The following TULP4 variants were observed in gnomAD, a reference collection of about 807,000 sequenced individuals.
TULP4 encodes the protein tubby-related protein 4.
A neutral mutation model predicts 129.0 loss-of-function variants in TULP4; 16 were observed. That is an observed-to-expected ratio of 0.12 (90% CI 0.08 to 0.19). The LOEUF (loss-of-function observed/expected upper bound fraction) is 0.19. TULP4 is among the 10% of genes least tolerant of loss of function. The pLI is 1.00. For synonymous variants in TULP4, 998 were observed against 854.0 expected (o/e 1.17, Z -2.94); for missense variants, 1,842 against 2,059.1 (o/e 0.89, Z 2.04).
chr6:158,264,769 G>T (rs1306204468), intron 1 of TULP4, among the ~76,000 whole-genome samples: 1 of 152,194 alleles, frequency 6.6e-6, no homozygotes, highest in Non-Finnish European at 1.5e-5. Context: ...TTTATCCCAT[G>T]AGGCCCTCTC....
chr6:158,315,671 A>G (rs1383599298), intron 1 of TULP4, among the ~76,000 whole-genome samples: 1 of 152,178 alleles, frequency 6.6e-6, no homozygotes, highest in African/African-American at 2.4e-5. Flanking sequence ...AGACTGGGTA[A>G]TCCATAAACA....
rs1189960618 is a variant in TULP4, at chr6:158,507,675, T to C, written c.*981T>C. On this transcript the variant is annotated 3_prime_UTR_variant, in exon 14 of 14. Coordinates refer to ENST00000367097, the MANE Select transcript of TULP4 (RefSeq NM_020245.5). ...TCTCTCTGCCCCTTTTACTTTTTAA[T>C]CTGGAATGCATTACTGTAAACATGA... The C allele has an allele frequency of 1.3e-5, 2 of 152,228 alleles. No individual in the cohort carries two copies. Among genetic ancestry groups the C allele is most frequent in the African/African-American group, 4.8e-5 (2 of 41,458 alleles). 9.4% of individuals were successfully genotyped at this position (152,228 alleles called of 1,614,324 possible). A position where few individuals can be genotyped will look rare whatever the true frequency, so the allele number is the denominator to read the frequency against.
chr6:158,471,664 A>G (rs1779685596), intron 6 of TULP4, among the ~76,000 whole-genome samples: 1 of 152,224 alleles, frequency 6.6e-6, no homozygotes, highest in Non-Finnish European at 1.5e-5. Flanking sequence ...AGGCCAGGGC[A>G]TTGGCAAAAC....
intron 8 of TULP4, among the ~76,000 whole-genome samples, 178 bp from the exon 9 acceptor site, chr6:158,489,410 C>T (rs1048762795): frequency 6.6e-6 from 1 of 152,218 alleles, no homozygotes; most frequent in Non-Finnish European, 1.5e-5. Context: ...GTAATTGCCT[C>T]CTTCTGCTTA....
At chr6:158,444,021 C>G (rs187066671) in intron 3 of TULP4, among the ~76,000 whole-genome samples, 16 of 151,700 alleles carry the variant, frequency 1.1e-4, no homozygotes, top group Non-Finnish European at 2.1e-4. Context: ...AGATTGAGAC[C>G]ATCCTGGCTA....
At chr6:158,330,185 T>C (rs7776408) in intron 1 of TULP4, among the ~76,000 whole-genome samples, 130,826 of 151,984 alleles carry the variant, frequency 0.86, 56,737 homozygotes, top group South Asian at 0.93. Context: ...TCAATTTGGA[T>C]TAGCCACACT....
intron 1 of TULP4, among the ~76,000 whole-genome samples, chr6:158,291,159 T>C (rs1778932344): frequency 6.6e-6 from 1 of 152,268 alleles, no homozygotes; most frequent in Non-Finnish European, 1.5e-5. Context: ...ACAATTTCTT[T>C]TTTCGTTGTT....
chr6:158,319,620 T>C (rs1779578331), intron 1 of TULP4, among the ~76,000 whole-genome samples: 1 of 152,238 alleles, frequency 6.6e-6, no homozygotes, highest in Non-Finnish European at 1.5e-5. Flanking sequence ...TGAAAGATAA[T>C]TTATTTCACC....
rs1404960654 is a variant in TULP4 at position 158,345,212 on chromosome 6, A to G, written c.252+30944A>G. On this transcript the variant is annotated intron_variant, in intron 1 of 13. Transcript: ENST00000367097. ...AGTGCAGGGTGAATGCAATGGTGCA[A>G]TCATGGCTCACTGCAGCCTCAAACT... Among the ~76,000 whole-genome samples the G allele has an allele frequency of 5.3e-5, 8 of 152,338 alleles. No homozygotes were observed. In the South Asian group the frequency reaches 1.2e-3, roughly 24 times the overall value.
chr6:158,414,080 C>T (rs1436068603), intron 2 of TULP4, among the ~76,000 whole-genome samples: 1 of 152,196 alleles, frequency 6.6e-6, no homozygotes, highest in African/African-American at 2.4e-5. Flanking sequence ...CATAAAATTA[C>T]AATGAATGAA....
chr6:158,242,665 A>G (rs1777945737), intron 1 of TULP4: 9 of 655,684 alleles, frequency 1.4e-5, no homozygotes, highest in Non-Finnish European at 2.6e-5. Context: ...TGGATAAGGC[A>G]TATCACTTTA....
At chr6:158,453,617 C>T (rs1208167503) in intron 5 of TULP4, among the ~76,000 whole-genome samples, 1 of 149,956 alleles carries the variant, frequency 6.7e-6, no homozygotes, top group Non-Finnish European at 1.5e-5. Context: ...CGTGAAACCT[C>T]GTCTGTATTA....
chr6:158,238,299 A>C (rs960251187), intron 1 of TULP4: 4 of 1,092,718 alleles, frequency 3.7e-6, no homozygotes, highest in African/African-American at 3.3e-5. Context: ...AGAGCTGGGC[A>C]CCTTGGGTTA....
At chr6:158,430,037 A>G in intron 3 of TULP4, 140 bp downstream of exon 3, 1 of 794,164 alleles carries the variant, frequency 1.3e-6, no homozygotes, top group African/African-American at 1.8e-5. Flanking sequence ...TGTCCAGGTA[A>G]AAATTAAAAT....
At chr6:158,320,452 C>G (rs6930405) in intron 1 of TULP4, among the ~76,000 whole-genome samples, 137,170 of 149,838 alleles carry the variant, frequency 0.92, 62,946 homozygotes, top group Admixed American at 0.95. Context: ...TTTTTTTTTA[C>G]ACAGAGTCTC....
chr6:158,467,771 C>T (rs570458485), intron 6 of TULP4, among the ~76,000 whole-genome samples: 1 of 152,320 alleles, frequency 6.6e-6, no homozygotes, highest in East Asian at 1.9e-4. Context: ...TCTGACCCTG[C>T]CAATCTGGAT....
chr6:158,443,326 G>A (rs375418324), intron 3 of TULP4, among the ~76,000 whole-genome samples: 1 of 151,856 alleles, frequency 6.6e-6, no homozygotes. Context: ...CATGTTGACC[G>A]GGCTGGTTTT....
At chr6:158,466,547 G>A (rs1007176234) in intron 6 of TULP4, among the ~76,000 whole-genome samples, 2 of 152,182 alleles carry the variant, frequency 1.3e-5, no homozygotes, top group South Asian at 4.1e-4. Flanking sequence ...GGTTATTTGG[G>A]TTTTTGTTTT....
At chr6:158,357,480 C>T (rs1022083211) in intron 1 of TULP4, among the ~76,000 whole-genome samples, 10 of 152,204 alleles carry the variant, frequency 6.6e-5, no homozygotes, top group Admixed American at 1.3e-4. Flanking sequence ...TTGTGATGCA[C>T]GTCTAAGATC....
Sources: gnomAD v4.1 joint callset for allele counts (sites outside exome capture counted in the v4.1 genomes callset) on GRCh38, gnomAD v4.1.1 for gene constraint, MANE v1.5 for transcripts, NCBI Gene and HGNC (gene_info 2026-07-23, HGNC 2026-07-21) for gene names.